Variants in STK32C observed in about 807,000 individuals in gnomAD.
STK32C encodes serine/threonine-protein kinase 32C.
In STK32C, 31 loss-of-function variants were observed where a neutral mutation model predicts 56.5. The ratio of observed to expected loss-of-function variants is 0.55; its 90% CI spans 0.41 to 0.74. STK32C has a LOEUF of 0.74. Among genes scored for constraint, STK32C ranks in the 30% least tolerant of loss-of-function variants. The pLI is 0.00. For synonymous variants in STK32C, 309 were observed against 289.4 expected (o/e 1.07, Z -0.69); for missense variants, 544 against 676.9 (o/e 0.80, Z 2.18).
intron 10 of STK32C, among the ~76,000 whole-genome samples, chr10:132,218,361 T>G (rs1320355898): frequency 2.0e-5 from 3 of 152,146 alleles, no homozygotes; most frequent in Non-Finnish European, 2.9e-5. Context: ...TTAAAATATA[T>G]TGTCAGAGTA....
At chr10:132,209,394 C>T (rs373491777) in intron 10 of STK32C, 39 of 635,402 alleles carry the variant, frequency 6.1e-5, no homozygotes, top group Admixed American at 1.5e-4. Flanking sequence ...CTGTTCTCTG[C>T]GGGACTTTGC....
intron 1 of STK32C, among the ~76,000 whole-genome samples, chr10:132,286,755 C>T (rs2065416611): frequency 6.6e-6 from 1 of 152,128 alleles, no homozygotes; most frequent in East Asian, 1.9e-4. Context: ...GAGATTTCCT[C>T]TACCTGATAA....
Position 132,212,242 on chromosome 10 carries a change from C to G in STK32C, c.1252-3141G>C, listed in dbSNP as rs534720842. Among the ~76,000 whole-genome samples the G allele has an allele frequency of 2.6e-5, 4 of 152,284 alleles. No individual in the cohort carries two copies. In the East Asian group the frequency reaches 5.8e-4, roughly 22 times the overall value. ...TTATCAAGATGGTGCAGTCCCGGCG[C>G]AGGGCAGACGTCTGGACCAATGGGA... On this transcript the variant is annotated intron_variant, in intron 10 of 11. Coordinates refer to ENST00000298630, the MANE Select transcript of STK32C (RefSeq NM_173575.4).
At chr10:132,314,334 G>A (rs2066276055) in intron 1 of STK32C, among the ~76,000 whole-genome samples, 1 of 152,184 alleles carries the variant, frequency 6.6e-6, no homozygotes. Flanking sequence ...TACAGCTCAG[G>A]TTTGACTGTG....
intron 1 of STK32C, among the ~76,000 whole-genome samples, chr10:132,289,414 G>C (rs191911093): frequency 1.8e-4 from 28 of 152,286 alleles, no homozygotes; most frequent in African/African-American, 5.8e-4. Flanking sequence ...GTCCACCAAA[G>C]GACTTGAATA....
At chr10:132,270,544 G>A (rs1328868604) in intron 1 of STK32C, among the ~76,000 whole-genome samples, 1 of 152,214 alleles carries the variant, frequency 6.6e-6, no homozygotes, top group Non-Finnish European at 1.5e-5. Flanking sequence ...GGAACCGCAG[G>A]GTATGGCCGT....
chr10:132,232,001 C>T (rs544934586), intron 2 of STK32C, among the ~76,000 whole-genome samples: 1 of 152,354 alleles, frequency 6.6e-6, no homozygotes, highest in East Asian at 1.9e-4. Flanking sequence ...TTGGTTGTGG[C>T]GGGAAACTCG....
chr10:132,294,958 A>G lies in STK32C; in HGVS notation c.262+12614T>C, dbSNP rs116151001. Among the ~76,000 whole-genome samples the G allele has an allele frequency of 7.3e-3, 1,105 of 151,906 alleles. 13 individuals carry two copies. The highest frequency in any genetic ancestry group is 0.025 in the African/African-American group (1,040 of 41,406). On this transcript the variant is annotated intron_variant, in intron 1 of 11. Transcript: ENST00000298630. ...ATGTGTGGTCCACAAGGGAACACTG[A>G]GGCCCGGCCAGCAGAGCCAGGACAG...
rs144245898 is a variant in STK32C at position 132,225,177 on chromosome 10, G to A, written c.876+56C>T. ...CAGCCACCCCCTCCCCAGCACTGGT[G>A]GGGGCAGAGAGCAGGGGCCTGGCAG... On this transcript the variant is annotated intron_variant, in intron 7 of 11. Transcript: ENST00000298630. 8 of 1,431,408 alleles carry A rather than the reference G, an allele frequency of 5.6e-6. 1 individual carries two copies. The highest frequency in any genetic ancestry group is 4.8e-5 in the East Asian group (2 of 41,252). The allele number at this position is 1,431,408 out of a possible 1,614,324, so 88.7% of individuals were successfully genotyped here.
chr10:132,273,134 T>C (rs905709700), intron 1 of STK32C, among the ~76,000 whole-genome samples: 1 of 152,204 alleles, frequency 6.6e-6, no homozygotes, highest in Non-Finnish European at 1.5e-5. Context: ...TAACATCCTA[T>C]ACATTTACTT....
At chr10:132,243,732 G>A (rs2063587382) in intron 2 of STK32C, among the ~76,000 whole-genome samples, 1 of 152,214 alleles carries the variant, frequency 6.6e-6, no homozygotes, top group Non-Finnish European at 1.5e-5. Context: ...CCCCGAGGGT[G>A]GAGCCATGGC....
chr10:132,231,160 C>T (rs536282151), intron 2 of STK32C, among the ~76,000 whole-genome samples: 3 of 152,384 alleles, frequency 2.0e-5, no homozygotes, highest in African/African-American at 7.2e-5. Flanking sequence ...CCATCACCCA[C>T]AGCCAGGGAG....
At chr10:132,212,536 G>C (rs2137578504) in intron 10 of STK32C, among the ~76,000 whole-genome samples, 1 of 152,308 alleles carries the variant, frequency 6.6e-6, no homozygotes, top group South Asian at 2.1e-4. Context: ...ACAAAGCAGA[G>C]CAGCCAAGGA....
chr10:132,274,296 G>A (rs114761951), intron 1 of STK32C, among the ~76,000 whole-genome samples: 5,642 of 152,280 alleles, frequency 0.037, 126 homozygotes, highest in Middle Eastern at 0.071. Flanking sequence ...GTAATGTGGC[G>A]TCTGAATCAA....
At chr10:132,308,042 G>C, upstream of STK32C, 7 of 803,460 alleles carry the variant, frequency 8.7e-6, no homozygotes, top group Non-Finnish European at 1.0e-5. Context: ...GGAGCTCCTG[G>C]AAGGGGTCGA....
At chr10:132,314,774 G>T (rs1048164176) in intron 1 of STK32C, among the ~76,000 whole-genome samples, 2 of 152,164 alleles carry the variant, frequency 1.3e-5, no homozygotes, top group African/African-American at 4.8e-5. Flanking sequence ...TATTATTAGA[G>T]ATAAAAAGGA....
rs1387515589 is a variant in STK32C at position 132,226,903 on chromosome 10, C to T, written c.536G>A (p.Arg179His). The T allele has an allele frequency of 6.2e-6, 10 of 1,613,344 alleles. No homozygotes were observed. Among genetic ancestry groups the T allele is most frequent in the Admixed American group, 1.7e-5 (1 of 60,014 alleles). The change falls in exon 4 of 12, where the codon CGC becomes CAC. Residue 179 changes from arginine to histidine, a missense_variant. Physicochemically the swap from Arg to His is conservative, Grantham distance 29. Around this residue, in one of 3 missense-constraint regions of STK32C, gnomAD observed 85 missense variants for 149.9 expected, o/e 0.57. Coordinates refer to ENST00000298630, the MANE Select transcript of STK32C (RefSeq NM_173575.4). Reference sequence around the variant, plus strand: ...CTGCACGTTCTGCTGCAGGTGGTAGCGCAGGTCCCCGCCCAGTAGCAGGTC... The same window carrying T: ...CTGCACGTTCTGCTGCAGGTGGTAGTGCAGGTCCCCGCCCAGTAGCAGGTC... ...VVDLLLGGDL[R>H]YHLQQNVQFS...
intron 1 of STK32C, among the ~76,000 whole-genome samples, chr10:132,256,380 A>G (rs1164657931): frequency 6.6e-6 from 1 of 152,136 alleles, no homozygotes; most frequent in African/African-American, 2.4e-5. Flanking sequence ...GCAGCTTCCC[A>G]GGCCAGCACT....
intron 1 of STK32C, among the ~76,000 whole-genome samples, chr10:132,318,276 AGAG>A (rs1564802039): frequency 1.3e-5 from 2 of 148,730 alleles, no homozygotes; most frequent in African/African-American, 4.9e-5. Flanking sequence ...TCAAAAAAAA[AGAG>A]AGAGAGAGAG....
Sources: allele counts gnomAD v4.1 joint callset (sites outside exome capture counted in the v4.1 genomes callset), GRCh38; gene constraint gnomAD v4.1.1; regional missense constraint gnomAD v4.1.1; transcripts MANE v1.5; gene names NCBI Gene and HGNC (gene_info 2026-07-23, HGNC 2026-07-21).